The following LRBA variants were observed in gnomAD, a reference collection of about 807,000 sequenced individuals.
LRBA encodes LPS responsive beige-like anchor protein.
Under a neutral mutation model 330.0 loss-of-function variants are expected in LRBA, and 176 were observed. That is an observed-to-expected ratio of 0.53 (90% CI 0.47 to 0.60). The LOEUF (loss-of-function observed/expected upper bound fraction) is 0.60, where lower values mean the gene tolerates loss of function less well. Ranked by LOEUF, LRBA falls within the 20% of genes least tolerant of loss-of-function variation. The pLI is 0.00. For missense variants in LRBA, 3,259 were observed against 3,444.8 expected (o/e 0.95, Z 1.35); for synonymous variants, 1,230 against 1,193.0 (o/e 1.03, Z -0.64).
chr4:150,999,490 T>C (rs781723647), intron 2 of LRBA, among the ~76,000 whole-genome samples: 9 of 151,952 alleles, frequency 5.9e-5, no homozygotes, highest in Non-Finnish European at 1.0e-4. Flanking sequence ...CTTGAACTCC[T>C]GGGCTCAAAT....
intron 40 of LRBA, chr4:150,579,479 C>T: frequency 2.6e-6 from 1 of 383,282 alleles, no homozygotes. Flanking sequence ...AAATTAAAGT[C>T]GCCTTTGTTT....
At position 150,735,231 on chromosome 4, in the gene LRBA, C is replaced by T. The variant is rs577926104; in HGVS notation, c.5754+27G>A. The T allele has an allele frequency of 3.2e-5, 49 of 1,519,638 alleles. 1 individual carries two copies. The South Asian group carries it at 4.4e-4, about 14-fold the overall frequency. The allele number at this position is 1,519,638 out of a possible 1,614,324, so 94.1% of individuals were successfully genotyped here. ...ATTATCATTAAAAAACGGTAACTTCCGCACACCAACCATATGTGTAACCTA... is the reference window on the plus strand; with the variant it reads ...ATTATCATTAAAAAACGGTAACTTCTGCACACCAACCATATGTGTAACCTA... On this transcript the variant is annotated intron_variant, in intron 36 of 56. Coordinates refer to ENST00000651943, the MANE Select transcript of LRBA (RefSeq NM_001364905.1).
At chr4:150,457,722 T>A (rs191993592) in intron 44 of LRBA, among the ~76,000 whole-genome samples, 10 of 151,936 alleles carry the variant, frequency 6.6e-5, no homozygotes, top group African/African-American at 9.6e-5. Context: ...TTAAAAAAAA[T>A]TTCCTAGGTG....
At chr4:150,815,689 T>A (rs552376082) in intron 31 of LRBA, among the ~76,000 whole-genome samples, 1 of 151,932 alleles carries the variant, frequency 6.6e-6, no homozygotes, top group African/African-American at 2.4e-5. Context: ...ACAAGACTAT[T>A]AATTAAATGT....
intron 37 of LRBA, among the ~76,000 whole-genome samples, chr4:150,603,996 T>G (rs1003794306): frequency 1.6e-4 from 25 of 152,240 alleles, no homozygotes; most frequent in African/African-American, 5.8e-4. Context: ...TGAGAATCAT[T>G]TGGAAGAGGC....
intron 37 of LRBA, among the ~76,000 whole-genome samples, chr4:150,676,688 A>G (rs1470181642): frequency 6.6e-6 from 1 of 152,114 alleles, no homozygotes; most frequent in Non-Finnish European, 1.5e-5. Flanking sequence ...ATATAAAACC[A>G]TAATATTTTC....
In LRBA at chr4:150,908,862, G is replaced by A; in HGVS notation, c.1162-5C>T. 3 of 1,599,180 alleles carry A rather than the reference G, an allele frequency of 1.9e-6. No homozygotes were observed. The highest frequency in any genetic ancestry group is 2.2e-5 in the East Asian group (1 of 44,744). ...TGCTTTGAATTTAAATGTACCCTAA[G>A]AATTAATTAAAAACAGTTAAATAGT... On this transcript the variant is annotated splice_region_variant and splice_polypyrimidine_tract_variant and intron_variant, in intron 9 of 56. Coordinates refer to ENST00000651943, the MANE Select transcript of LRBA (RefSeq NM_001364905.1).
intron 40 of LRBA, among the ~76,000 whole-genome samples, chr4:150,522,576 G>A (rs1226668540): frequency 6.6e-6 from 1 of 152,172 alleles, no homozygotes; most frequent in African/African-American, 2.4e-5. Context: ...CACCAGAGGG[G>A]CTCAAGGCAC....
At chr4:150,788,812 C>T (rs1165671836) in intron 34 of LRBA, among the ~76,000 whole-genome samples, 1 of 149,796 alleles carries the variant, frequency 6.7e-6, no homozygotes, top group Non-Finnish European at 1.5e-5. Flanking sequence ...CAGTGGCTCA[C>T]GCCTATAATC....
At chr4:150,793,463 G>A (rs1054549197) in intron 34 of LRBA, among the ~76,000 whole-genome samples, 4 of 152,150 alleles carry the variant, frequency 2.6e-5, no homozygotes, top group Non-Finnish European at 5.9e-5. Context: ...AAGTATGGAG[G>A]TATTTCCTAA....
chr4:150,549,627 A>C (rs1020647948), intron 40 of LRBA, among the ~76,000 whole-genome samples: 7 of 152,182 alleles, frequency 4.6e-5, no homozygotes, highest in African/African-American at 1.7e-4. Context: ...CACTGCACCC[A>C]GCCTCATTTG....
intron 37 of LRBA, among the ~76,000 whole-genome samples, chr4:150,616,550 A>G (rs1224070154): frequency 6.6e-6 from 1 of 152,202 alleles, no homozygotes; most frequent in African/African-American, 2.4e-5. Flanking sequence ...AGACTTGACT[A>G]TTGGATTTAT....
chr4:150,342,482 C>A (rs951392250), intron 48 of LRBA, among the ~76,000 whole-genome samples: 22 of 152,060 alleles, frequency 1.4e-4, no homozygotes, highest in African/African-American at 4.6e-4. Flanking sequence ...AAAAAGAATT[C>A]TTTCTGGTGT....
intron 36 of LRBA, among the ~76,000 whole-genome samples, chr4:150,734,023 TAAC>T (rs1051527957): frequency 6.6e-6 from 1 of 152,152 alleles, no homozygotes; most frequent in Non-Finnish European, 1.5e-5. Context: ...AAAAATATGT[TAAC>T]AACAGTGACA....
chr4:150,611,833 C>T (rs1775296372), intron 37 of LRBA, among the ~76,000 whole-genome samples: 1 of 152,214 alleles, frequency 6.6e-6, no homozygotes. Flanking sequence ...TAAGCATCTA[C>T]ATGAAGCAAT....
intron 17 of LRBA, among the ~76,000 whole-genome samples, chr4:150,891,596 T>A (rs1262631486): frequency 6.6e-6 from 1 of 152,182 alleles, no homozygotes; most frequent in Non-Finnish European, 1.5e-5. Flanking sequence ...GGACTTGAAC[T>A]GCAACATCAA....
intron 17 of LRBA, among the ~76,000 whole-genome samples, chr4:150,876,781 T>C (rs1278891212): frequency 6.6e-6 from 1 of 152,108 alleles, no homozygotes; most frequent in African/African-American, 2.4e-5. Flanking sequence ...CTTGCAAACC[T>C]TATAAAACAA....
chr4:150,856,666 A>G (rs942112875), intron 22 of LRBA, among the ~76,000 whole-genome samples: 1 of 152,212 alleles, frequency 6.6e-6, no homozygotes, highest in Non-Finnish European at 1.5e-5. Flanking sequence ...ATTGCAATTG[A>G]ACAACTATCA....
intron 36 of LRBA, among the ~76,000 whole-genome samples, chr4:150,687,532 C>T (rs1341955712): frequency 2.6e-5 from 4 of 151,718 alleles, no homozygotes; most frequent in Admixed American, 6.6e-5. Context: ...AAATATTTGA[C>T]TATAAAAAGA....
Sources: gnomAD v4.1 joint callset for allele counts (sites outside exome capture counted in the v4.1 genomes callset) on GRCh38, gnomAD v4.1.1 for gene constraint, MANE v1.5 for transcripts, NCBI Gene and HGNC (gene_info 2026-07-23, HGNC 2026-07-21) for gene names.